Variants in INSR observed in about 807,000 individuals in gnomAD.
INSR encodes the protein insulin receptor.
In INSR, 67 loss-of-function variants were observed where a neutral mutation model predicts 142.6. The ratio of observed to expected loss-of-function variants is 0.47; its 90% CI spans 0.39 to 0.58. The LOEUF is 0.58. Ranked by LOEUF, INSR falls within the 20% of genes least tolerant of loss-of-function variation. The pLI is 0.00. For synonymous variants in INSR, 756 were observed against 743.1 expected, an observed-to-expected ratio of 1.02 and a Z score of -0.28; for missense variants, 1,248 against 1,833.2, an observed-to-expected ratio of 0.68 and a Z score of 5.83.
chr19:7,178,050 C>G lies in INSR; in HGVS notation c.975-3319G>C, dbSNP rs148518009. Among the ~76,000 whole-genome samples, 4 of 152,136 alleles carry G rather than the reference C, an allele frequency of 2.6e-5. No individual in the cohort carries two copies. The East Asian group carries it at 7.7e-4, about 29-fold the overall frequency. On this transcript the variant is annotated intron_variant, in intron 3 of 21. Transcript: ENST00000302850. Reference sequence around the variant, plus strand: ...AAGGGTCATTTTTTATTGGTGGCATCCTTGTTGCTGCTGCTGTTGTTCTCA... The same window carrying G: ...AAGGGTCATTTTTTATTGGTGGCATGCTTGTTGCTGCTGCTGTTGTTCTCA...
intron 9 of INSR, among the ~76,000 whole-genome samples, chr19:7,160,645 AAAAG>A (rs1479113494): frequency 1.3e-5 from 2 of 151,854 alleles, no homozygotes; most frequent in African/African-American, 4.8e-5. Flanking sequence ...AAGAAAAAGA[AAAAG>A]AAAAAAGTGA....
intron 1 of INSR, among the ~76,000 whole-genome samples, chr19:7,274,194 G>GATTCTC (rs1000264733): frequency 9.2e-5 from 14 of 152,092 alleles, no homozygotes; most frequent in Admixed American, 7.9e-4. Flanking sequence ...GCATCAGTTA[G>GATTCTC]ATTCTCATAA....
At chr19:7,133,599 T>A (rs1028206005) in intron 13 of INSR, among the ~76,000 whole-genome samples, 7 of 152,336 alleles carry the variant, frequency 4.6e-5, no homozygotes, top group Admixed American at 4.6e-4. Context: ...TGGTGGCTCA[T>A]GCCTGTAATC....
intron 8 of INSR, among the ~76,000 whole-genome samples, chr19:7,163,953 G>A (rs992378859): frequency 3.3e-5 from 2 of 61,062 alleles, no homozygotes; most frequent in Admixed American, 1.5e-4. Context: ...AAAAAAATTA[G>A]CTGGACATGG....
chr19:7,147,920 A>AT (rs112216137), intron 11 of INSR, among the ~76,000 whole-genome samples: 19,725 of 148,714 alleles, frequency 0.13, 2,139 homozygotes, highest in African/African-American at 0.3. Context: ...GCATCAACTG[A>AT]TTTTTTTTTT....
In INSR at chr19:7,170,646, G is replaced by A. The variant is rs988999000; in HGVS notation, c.1374C>T (p.Asn458=). The A allele has an allele frequency of 6.2e-7, 1 of 1,613,880 alleles. No homozygotes were observed. The highest frequency in any genetic ancestry group is 8.5e-7 in the Non-Finnish European group (1 of 1,179,998). Residue 458 remains asparagine, a synonymous_variant, in exon 6 of 22, where the codon AAC becomes AAT. Coordinates refer to ENST00000302850, the MANE Select transcript of INSR (RefSeq NM_000208.4). Reference sequence around the variant, plus strand: ...GGATTTCTGACAAGCAGAGTTTGGGGTTATAGTGGAAGAAGAGTTTCCCCT... The same window carrying A: ...GGATTTCTGACAAGCAGAGTTTGGGATTATAGTGGAAGAAGAGTTTCCCCT... ...ITQGKLFFHY[N]PKLCLSEIHK...
intron 2 of INSR, among the ~76,000 whole-genome samples, chr19:7,229,828 C>T (rs1975913615): frequency 7.0e-6 from 1 of 143,780 alleles, no homozygotes; most frequent in Non-Finnish European, 1.5e-5. Flanking sequence ...TGCAGTGGCA[C>T]AGTCATGGCT....
At chr19:7,195,083 A>G (rs62111418) in intron 2 of INSR, among the ~76,000 whole-genome samples, 14,146 of 152,144 alleles carry the variant, frequency 0.093, 692 homozygotes, top group South Asian at 0.17. Context: ...AGAAAATGGC[A>G]AGAGTAAATC....
At position 7,159,871 on chromosome 19, in the gene INSR, G is replaced by A. The variant is rs1973704210; in HGVS notation, c.2029+3161C>T. Among the ~76,000 whole-genome samples, 5 of 152,320 alleles carry A rather than the reference G, an allele frequency of 3.3e-5. No individual in the cohort carries two copies. In the South Asian group the frequency reaches 1.0e-3, roughly 32 times the overall value. On this transcript the variant is annotated intron_variant, in intron 9 of 21. Transcript: ENST00000302850. The surrounding 1 kb of genome is among the most constrained non-coding windows in gnomAD (Gnocchi z 4.3). Reference sequence around the variant, plus strand: ...GTCAGGGCCAGAGCCAAGAGCAAATGTTGAGCTCCTGGCCTCAGCCACACC... The same window carrying A: ...GTCAGGGCCAGAGCCAAGAGCAAATATTGAGCTCCTGGCCTCAGCCACACC...
rs1338099130 is a variant in INSR at position 7,201,701 on chromosome 19, C to T, written c.653-17064G>A. Among the ~76,000 whole-genome samples the T allele has an allele frequency of 3.2e-4, 43 of 134,050 alleles. 1 individual carries two copies. The highest frequency in any genetic ancestry group is 6.1e-4 in the Non-Finnish European group (39 of 64,164). 87.9% of individuals were successfully genotyped at this position (134,050 alleles called of 152,430 possible). ...TTTTTGAGTTGGAGTCTCACTCTGT[C>T]GCCCAGGCTGGAGTGCAGTGGCGCG... On this transcript the variant is annotated intron_variant, in intron 2 of 21. Transcript: ENST00000302850.
intron 1 of INSR, among the ~76,000 whole-genome samples, chr19:7,289,508 C>T (rs992377410): frequency 6.7e-6 from 1 of 149,810 alleles, no homozygotes; most frequent in Non-Finnish European, 1.5e-5. Context: ...CAGGTTCAAG[C>T]GATTCTCCTG....
chr19:7,148,067 T>C (rs1303085700), intron 11 of INSR, among the ~76,000 whole-genome samples: 1 of 151,494 alleles, frequency 6.6e-6, no homozygotes, highest in Non-Finnish European at 1.5e-5. Context: ...GCGTGCATCA[T>C]CATGCCCGGC....
At chr19:7,277,622 C>T (rs1968099865) in intron 1 of INSR, among the ~76,000 whole-genome samples, 1 of 151,828 alleles carries the variant, frequency 6.6e-6, no homozygotes, top group African/African-American at 2.4e-5. Flanking sequence ...ACTGGCAAAA[C>T]CCTACCTCTA....
intron 1 of INSR, among the ~76,000 whole-genome samples, chr19:7,290,943 G>T (rs1053775047): frequency 6.6e-6 from 1 of 151,834 alleles, no homozygotes; most frequent in African/African-American, 2.4e-5. Context: ...TGTGGAACAC[G>T]CCTGTAATCC....
At chr19:7,193,469 G>A (rs1056163762) in intron 2 of INSR, among the ~76,000 whole-genome samples, 6 of 151,022 alleles carry the variant, frequency 4.0e-5, no homozygotes, top group Non-Finnish European at 5.9e-5. Context: ...CTGAGATCAC[G>A]CTACTGCACT....
intron 3 of INSR, 44 bp from the exon 4 acceptor site, chr19:7,174,775 G>A: frequency 6.3e-7 from 1 of 1,590,138 alleles, no homozygotes; most frequent in Non-Finnish European, 8.6e-7. Context: ...AGGGGAGGGG[G>A]GTGTCACGGT....
At chr19:7,233,897 C>A (rs943630622) in intron 2 of INSR, among the ~76,000 whole-genome samples, 2 of 151,416 alleles carry the variant, frequency 1.3e-5, no homozygotes, top group African/African-American at 4.9e-5. Context: ...AGGATGGTCT[C>A]GATCTCCTGA....
At chr19:7,193,558 T>C (rs1210576154) in intron 2 of INSR, among the ~76,000 whole-genome samples, 1 of 151,716 alleles carries the variant, frequency 6.6e-6, no homozygotes, top group Non-Finnish European at 1.5e-5. Flanking sequence ...GGAGGACACA[T>C]GGGACATATG....
chr19:7,219,292 C>T (rs550490937), intron 2 of INSR, among the ~76,000 whole-genome samples: 1 of 152,228 alleles, frequency 6.6e-6, no homozygotes. Context: ...TCTGAAGCTC[C>T]GGGCTCCAGT....
Sources: allele counts gnomAD v4.1 joint callset (sites outside exome capture counted in the v4.1 genomes callset), GRCh38; gene constraint gnomAD v4.1.1; non-coding constraint Gnocchi (gnomAD v3.1); transcripts MANE v1.5; gene names NCBI Gene and HGNC (gene_info 2026-07-23, HGNC 2026-07-21).